The following TENM1 variants were observed in gnomAD, a reference collection of about 807,000 sequenced individuals.
The protein encoded by TENM1 is teneurin-1.
In TENM1, 35 loss-of-function variants were observed where a neutral mutation model predicts 174.8. That is an observed-to-expected ratio of 0.20 (90% confidence interval 0.15 to 0.27). The LOEUF (loss-of-function observed/expected upper bound fraction) is 0.27, where lower values mean the gene tolerates loss of function less well. Among genes scored for constraint, TENM1 ranks in the 10% least tolerant of loss-of-function variants. The probability of loss-of-function intolerance (pLI) is 1.00; values close to 1 mark genes in which losing one functional copy is unlikely to be tolerated. For missense variants in TENM1, 1,633 were observed against 2,130.1 expected (o/e 0.77, Z 4.59); for synonymous variants, 781 against 798.7 (o/e 0.98, Z 0.37).
chrX:124,691,577 A>G (rs1202232901), intron 5 of TENM1, among the ~76,000 whole-genome samples: 5 of 112,055 alleles, frequency 4.5e-5, no homozygotes, highest in Non-Finnish European at 9.4e-5. Context: ...AGATTCATGA[A>G]AAGTTGCCAC....
Position 124,945,177 on chromosome X carries a change from C to T in TENM1, c.217+18360G>A, listed in dbSNP as rs983798575. On this transcript the variant is annotated intron_variant, in intron 1 of 31. Coordinates refer to ENST00000422452, the Ensembl canonical transcript of TENM1. ...CAAGAGACCGAGCCAGGTCCCTATC[C>T]AGGTAGATATCAAGGGAAAGAACAT... is the stretch of plus-strand genomic sequence containing the variant. Among the ~76,000 whole-genome samples the T allele has an allele frequency of 3.6e-5, 4 of 111,693 alleles. No homozygotes were observed. The Admixed American group carries it at 3.8e-4, about 11-fold the overall frequency.
chrX:124,747,532 A>C (rs2053951824), intron 3 of TENM1, among the ~76,000 whole-genome samples: 2 of 104,862 alleles, frequency 1.9e-5, no homozygotes, highest in African/African-American at 6.9e-5. Context: ...TGCCATGGAA[A>C]GTGATGGCAA....
chrX:124,846,969 T>A (rs1038947330), intron 3 of TENM1, among the ~76,000 whole-genome samples: 3 of 111,941 alleles, frequency 2.7e-5, no homozygotes, highest in African/African-American at 9.7e-5. Flanking sequence ...CTGAAATAAG[T>A]ATTTTACAGC....
At chrX:124,934,515 G>A (rs774798433) in intron 1 of TENM1, among the ~76,000 whole-genome samples, 1 of 111,707 alleles carries the variant, frequency 9.0e-6, no homozygotes, top group East Asian at 2.8e-4. Context: ...GCATTTCAGG[G>A]ACAGAAGGGA....
At chrX:124,715,635 C>CCTTTT (rs756455280) in intron 4 of TENM1, among the ~76,000 whole-genome samples, 6 of 101,683 alleles carry the variant, frequency 5.9e-5, no homozygotes, top group Admixed American at 3.2e-4. Context: ...CTTTTCTTTT[C>CCTTTT]CTTTTCTTTT....
intron 4 of TENM1, among the ~76,000 whole-genome samples, chrX:124,719,011 C>T (rs952430364): frequency 1.8e-5 from 2 of 111,451 alleles, no homozygotes; most frequent in African/African-American, 6.5e-5. Context: ...CTCCTTAAGA[C>T]ATATGTAACA....
Position 124,620,371 on chromosome X carries a change from G to GA in TENM1, c.2077+21419dup, listed in dbSNP as rs1038871602. Among the ~76,000 whole-genome samples, 9 of 108,928 alleles carry GA rather than the reference G, an allele frequency of 8.3e-5. No individual in the cohort carries two copies. The East Asian group carries it at 2.6e-3, about 32-fold the overall frequency. 94.6% of individuals were successfully genotyped at this position (108,928 alleles called of 115,157 possible). A position where few individuals can be genotyped will look rare whatever the true frequency, so the allele number is the denominator to read the frequency against. The stretch of plus-strand genomic sequence containing the variant: ...TTAATACAAAAAAAGAGTAAAGAAG[G>GA]AAAAAAAAATCTCCCAATTTAGCAA... On this transcript the variant is annotated intron_variant, in intron 11 of 31. Transcript: ENST00000422452.
At chrX:124,408,439 C>T (rs940519250) in intron 25 of TENM1, among the ~76,000 whole-genome samples, 11 of 111,642 alleles carry the variant, frequency 9.9e-5, no homozygotes, top group Non-Finnish European at 1.3e-4. Context: ...CCACCACGCC[C>T]GGCCCACTGT....
At chrX:125,190,730 GT>G in the TENM1 span, among the ~76,000 whole-genome samples, 1 of 109,927 alleles carries the variant, frequency 9.1e-6, no homozygotes, top group Non-Finnish European at 1.9e-5. Context: ...TTATTTTTTT[GT>G]TTTTTTAATG....
chrX:124,624,225 C>G (rs2148333908), intron 11 of TENM1, among the ~76,000 whole-genome samples: 1 of 111,440 alleles, frequency 9.0e-6, no homozygotes, highest in Non-Finnish European at 1.9e-5. Flanking sequence ...ACACTGTATT[C>G]TTTGAATTAC....
At chrX:124,560,606 AC>A (rs2048797326) in intron 14 of TENM1, among the ~76,000 whole-genome samples, 1 of 110,928 alleles carries the variant, frequency 9.0e-6, no homozygotes. Flanking sequence ...AGGTCTTAAA[AC>A]TTTTAAAGGT....
the TENM1 span, among the ~76,000 whole-genome samples, chrX:125,092,010 A>AG: frequency 8.6e-3 from 921 of 106,585 alleles, 23 homozygotes; most frequent in African/African-American, 0.031. Flanking sequence ...AAAAAAAAAA[A>AG]AGATTGGTTT....
chrX:125,009,468 TACCA>T, the TENM1 span, among the ~76,000 whole-genome samples: 2 of 111,543 alleles, frequency 1.8e-5, no homozygotes, highest in Non-Finnish European at 3.8e-5. Context: ...GAGGAGCTGG[TACCA>T]TTCCTTCTGA....
rs28757874 is a variant in TENM1 at position 124,615,125 on chromosome X, C to T, written c.2077+26666G>A. ...TTTTGATGATAACACAAAGAATTTA[C>T]GCTTACTTTTTAAAAAAATATGTAA... On this transcript the variant is annotated intron_variant, in intron 11 of 31. Coordinates refer to ENST00000422452, the Ensembl canonical transcript of TENM1. Among the ~76,000 whole-genome samples the T allele has an allele frequency of 3.7e-3, 410 of 112,094 alleles. 1 individual carries two copies. The highest frequency in any genetic ancestry group is 0.012 in the African/African-American group (373 of 30,836).
intron 11 of TENM1, among the ~76,000 whole-genome samples, chrX:124,614,621 G>A (rs761763463): frequency 4.9e-4 from 55 of 112,466 alleles, no homozygotes; most frequent in Middle Eastern, 4.6e-3. Context: ...GGTGGCTCAC[G>A]CCTGTAATCC....
the TENM1 span, among the ~76,000 whole-genome samples, chrX:124,991,515 A>C: frequency 3.7e-5 from 4 of 109,445 alleles, no homozygotes; most frequent in African/African-American, 1.3e-4. Context: ...AGACAGAGAG[A>C]CAGAGAGAGA....
At chrX:124,580,202 T>C (rs749697344) in intron 11 of TENM1, among the ~76,000 whole-genome samples, 1 of 111,421 alleles carries the variant, frequency 9.0e-6, no homozygotes, top group Admixed American at 9.6e-5. Flanking sequence ...AAGGAAACAC[T>C]GTCAGTGTCC....
chrX:124,576,128 C>T (rs1227715387), intron 11 of TENM1, among the ~76,000 whole-genome samples: 1 of 110,514 alleles, frequency 9.0e-6, no homozygotes, highest in Non-Finnish European at 1.9e-5. Flanking sequence ...GGTGTGATCT[C>T]GACTCACTGC....
chrX:124,768,867 ATGT>A (rs749974500), intron 3 of TENM1, among the ~76,000 whole-genome samples: 1 of 112,347 alleles, frequency 8.9e-6, no homozygotes, highest in South Asian at 3.7e-4. Context: ...AAGAATCTAA[ATGT>A]TGTCCATTGC....
Sources: gnomAD v4.1 joint callset for allele counts (sites outside exome capture counted in the v4.1 genomes callset) on GRCh38, gnomAD v4.1.1 for gene constraint, MANE v1.5 for transcripts, NCBI Gene and HGNC (gene_info 2026-07-23, HGNC 2026-07-21) for gene names.